Variants in RASA3 observed in about 807,000 individuals in gnomAD.
RASA3 encodes ras GTPase-activating protein 3.
Under a neutral mutation model 110.0 loss-of-function variants are expected in RASA3, and 73 were observed. The ratio of observed to expected loss-of-function variants is 0.66; its 90% CI spans 0.55 to 0.81. The LOEUF (loss-of-function observed/expected upper bound fraction) is 0.81, where lower values mean the gene tolerates loss of function less well. RASA3 is among the 30% of genes least tolerant of loss of function. The probability of loss-of-function intolerance (pLI) is 0.00; values close to 1 mark genes in which losing one functional copy is unlikely to be tolerated. For missense variants in RASA3, 976 were observed against 1,113.2 expected, an observed-to-expected ratio of 0.88 and a Z score of 1.75; for synonymous variants, 500 against 451.4, an observed-to-expected ratio of 1.11 and a Z score of -1.37.
At chr13:114,081,509 CTT>C (rs2079787743) in intron 1 of RASA3, among the ~76,000 whole-genome samples, 1 of 152,186 alleles carries the variant, frequency 6.6e-6, no homozygotes, top group African/African-American at 2.4e-5. Flanking sequence ...GGGGAAAATA[CTT>C]CAAGTCCTGA....
Position 114,048,531 on chromosome 13 carries a change from C to G in RASA3, c.277+3521G>C, listed in dbSNP as rs960728384. Reference sequence around the variant, plus strand: ...CCCAATGCTCCTGACAGCACCGAGCCGGGCCTCGCGCATTTCCGTGGTTCC... The same window carrying G: ...CCCAATGCTCCTGACAGCACCGAGCGGGGCCTCGCGCATTTCCGTGGTTCC... On this transcript the variant is annotated intron_variant, in intron 3 of 23. Coordinates refer to ENST00000334062, the MANE Select transcript of RASA3 (RefSeq NM_007368.4). The surrounding 1 kb of genome is among the most constrained non-coding windows in gnomAD (Gnocchi z 4.3). Among the ~76,000 whole-genome samples, 14 of 152,184 alleles carry G rather than the reference C, an allele frequency of 9.2e-5. No homozygotes were observed. The highest frequency in any genetic ancestry group is 3.4e-4 in the African/African-American group (14 of 41,442).
At position 113,997,031 on chromosome 13, in the gene RASA3, T is replaced by C. The variant is rs1038914474; in HGVS notation, c.1933-292A>G. ...CAGGAACAGCTTGGCCAAGGCCCTT[T>C]ATGTCCTGGAGCCTTGGAGGTCTCC... On this transcript the variant is annotated intron_variant, in intron 20 of 23. Coordinates refer to ENST00000334062, the MANE Select transcript of RASA3 (RefSeq NM_007368.4). Among the ~76,000 whole-genome samples, 5 of 152,288 alleles carry C rather than the reference T, an allele frequency of 3.3e-5. No individual in the cohort carries two copies. The South Asian group carries it at 8.3e-4, about 25-fold the overall frequency.
chr13:114,090,224 C>G (rs1002214667), intron 1 of RASA3, among the ~76,000 whole-genome samples: 4 of 152,352 alleles, frequency 2.6e-5, no homozygotes, highest in East Asian at 1.9e-4. Context: ...GCTGCCTGCC[C>G]AGGGCCGTGC....
chr13:114,046,079 A>G, intron 3 of RASA3, among the ~76,000 whole-genome samples: 1 of 152,264 alleles, frequency 6.6e-6, no homozygotes, highest in South Asian at 2.1e-4. Context: ...AAGCTCATTC[A>G]AAAGTATATA....
At chr13:114,036,055 A>G (rs2054272600) in intron 4 of RASA3, 2 of 152,278 alleles carry the variant, frequency 1.3e-5, no homozygotes, top group Admixed American at 1.3e-4. Context: ...TTTTCTGAAT[A>G]CGTCACAGAT....
intron 1 of RASA3, among the ~76,000 whole-genome samples, chr13:114,103,435 C>T (rs181762726): frequency 8.2e-4 from 125 of 152,154 alleles, no homozygotes; most frequent in African/African-American, 1.6e-3. Context: ...GGCTCCCAGA[C>T]GGGGGACGGG....
chr13:114,013,842 CTCCA>C lies in RASA3; in HGVS notation c.1406-598_1406-595del, dbSNP rs2053713087. ...TCTCTTTCTCTCCGTCTGTCTCTCT[CTCCA>C]TCTCTCTGTCTCTCTCCCTGTCTCT... On this transcript the variant is annotated intron_variant, in intron 14 of 23. Transcript: ENST00000334062. Among the ~76,000 whole-genome samples, 3 of 138,844 alleles carry C rather than the reference CTCCA, an allele frequency of 2.2e-5. No individual in the cohort carries two copies. In the South Asian group the frequency reaches 7.4e-4, roughly 34 times the overall value. The allele number at this position is 138,844 out of a possible 152,430, so 91.1% of individuals were successfully genotyped here. A position where few individuals can be genotyped will look rare whatever the true frequency, so the allele number is the denominator to read the frequency against.
chr13:113,998,211 T>A (rs182494166), intron 20 of RASA3, among the ~76,000 whole-genome samples: 5 of 152,196 alleles, frequency 3.3e-5, no homozygotes, highest in Non-Finnish European at 7.4e-5. Context: ...GTTCCGGCCA[T>A]CCCCCTCAGT....
At chr13:114,132,397 C>A in intron 1 of RASA3, 38 bp downstream of exon 1, 1 of 1,488,726 alleles carries the variant, frequency 6.7e-7, no homozygotes, top group Non-Finnish European at 8.9e-7. Context: ...CAGGGTCGGG[C>A]CGGGGGGTCG....
chr13:113,993,670 T>G (rs2053168778), intron 21 of RASA3, among the ~76,000 whole-genome samples: 1 of 151,154 alleles, frequency 6.6e-6, no homozygotes, highest in African/African-American at 2.4e-5. Context: ...TAGCCAGGTG[T>G]GGTGGTGCAC....
In RASA3 at chr13:114,112,104, C is replaced by CCT. The variant is rs1555343914; in HGVS notation, c.55+20330_55+20331insAG. Among the ~76,000 whole-genome samples, 1 of 151,886 alleles carries CCT rather than the reference C, an allele frequency of 6.6e-6. No homozygotes were observed. The highest frequency in any genetic ancestry group is 1.9e-4 in the East Asian group (1 of 5,192). ...GGAAACAGCAGCCCCCAGGCACCCC[C>CCT]CCCAGCAACTGGGACAAGGGCACAC... On this transcript the variant is annotated intron_variant, in intron 1 of 23. Coordinates refer to ENST00000334062, the MANE Select transcript of RASA3 (RefSeq NM_007368.4). This position sits in a 1 kb window ranked among gnomAD's most constrained non-coding sequence, Gnocchi z 4.8.
chr13:114,027,125 T>C (rs1369588338), intron 7 of RASA3, among the ~76,000 whole-genome samples: 2 of 152,202 alleles, frequency 1.3e-5, no homozygotes, highest in Admixed American at 1.3e-4. Flanking sequence ...CTTTCTCTCT[T>C]GGGAGAGGAG....
chr13:114,026,517 T>C (rs1432967557), intron 7 of RASA3, among the ~76,000 whole-genome samples: 1 of 152,226 alleles, frequency 6.6e-6, no homozygotes, highest in African/African-American at 2.4e-5. Context: ...CCTCTGCCTG[T>C]GGGGCCCTTT....
intron 1 of RASA3, among the ~76,000 whole-genome samples, chr13:114,083,039 C>T (rs2079807607): frequency 6.6e-6 from 1 of 152,214 alleles, no homozygotes; most frequent in African/African-American, 2.4e-5. Flanking sequence ...TGCGTCATCA[C>T]TGAGTGTGAT....
At chr13:113,996,224 A>C (rs2053253787) in intron 21 of RASA3, among the ~76,000 whole-genome samples, 1 of 152,126 alleles carries the variant, frequency 6.6e-6, no homozygotes, top group Non-Finnish European at 1.5e-5. Flanking sequence ...CTAGAGAAGC[A>C]GGATGGCCAC....
intron 2 of RASA3, among the ~76,000 whole-genome samples, chr13:114,058,184 G>C (rs964728115): frequency 2.0e-5 from 3 of 152,102 alleles, no homozygotes; most frequent in African/African-American, 7.2e-5. Flanking sequence ...ACCTGCAAAC[G>C]GAGCACCAGA....
rs537219327 is a variant in RASA3 at position 114,025,592 on chromosome 13, C to T, written c.604-1237G>A. Among the ~76,000 whole-genome samples the T allele has an allele frequency of 1.7e-3, 256 of 152,312 alleles. 1 individual carries two copies. Among genetic ancestry groups the T allele is most frequent in the African/African-American group, 4.0e-3 (167 of 41,522 alleles). On this transcript the variant is annotated intron_variant, in intron 7 of 23. Transcript: ENST00000334062. Reference sequence around the variant, plus strand: ...GGCCTGGTGTGGTGGCCTTGGACTCCTCTGTTTTCTGCCACATCTTATCAC... The same window carrying T: ...GGCCTGGTGTGGTGGCCTTGGACTCTTCTGTTTTCTGCCACATCTTATCAC...
chr13:114,117,021 G>C (rs2080289667), intron 1 of RASA3, among the ~76,000 whole-genome samples: 1 of 144,826 alleles, frequency 6.9e-6, no homozygotes. Flanking sequence ...ACGTGTGTGA[G>C]GGGTGCACGT....
chr13:114,058,120 A>AG (rs1246577342), intron 2 of RASA3, among the ~76,000 whole-genome samples: 1 of 152,104 alleles, frequency 6.6e-6, no homozygotes, highest in Admixed American at 6.5e-5. Flanking sequence ...CAGGGGTGTG[A>AG]GGACAGGGGC....
Sources: gnomAD v4.1 joint callset for allele counts (sites outside exome capture counted in the v4.1 genomes callset) on GRCh38, gnomAD v4.1.1 for gene constraint, Gnocchi (gnomAD v3.1) non-coding constraint, MANE v1.5 for transcripts, NCBI Gene and HGNC (gene_info 2026-07-23, HGNC 2026-07-21) for gene names.